Variants in SGCZ observed in about 807,000 individuals in gnomAD.
The protein encoded by SGCZ is sarcoglycan zeta.
A neutral mutation model predicts 41.3 loss-of-function variants in SGCZ; 40 were observed. The ratio of observed to expected loss-of-function variants is 0.97; its 90% CI spans 0.75 to 1.26. The LOEUF (loss-of-function observed/expected upper bound fraction) is 1.26. SGCZ is among the 50% of genes most tolerant of loss of function. The pLI is 0.00. For synonymous variants in SGCZ, 206 were observed against 137.5 expected (o/e 1.50, Z -3.49); for missense variants, 552 against 369.8 (o/e 1.49, Z -4.04).
At chr8:14,930,297 T>C (rs906186067) in intron 1 of SGCZ, among the ~76,000 whole-genome samples, 5 of 152,118 alleles carry the variant, frequency 3.3e-5, no homozygotes, top group Admixed American at 3.3e-4. Context: ...TACTATCTCA[T>C]GCCAGTTAGA....
chr8:14,246,213 A>G (rs1363035236), intron 3 of SGCZ, among the ~76,000 whole-genome samples: 1 of 152,224 alleles, frequency 6.6e-6, no homozygotes, highest in Admixed American at 6.5e-5. Context: ...TCCAACAATG[A>G]TAGACTGGAT....
At chr8:14,718,231 G>C (rs1809757403) in intron 1 of SGCZ, among the ~76,000 whole-genome samples, 1 of 151,842 alleles carries the variant, frequency 6.6e-6, no homozygotes, top group Non-Finnish European at 1.5e-5. Context: ...TCTTTTGAAA[G>C]TGAATTTTTT....
intron 1 of SGCZ, among the ~76,000 whole-genome samples, chr8:15,212,484 T>C (rs1053281092): frequency 5.3e-5 from 8 of 152,134 alleles, no homozygotes; most frequent in African/African-American, 1.9e-4. Context: ...CCTTTTAAAA[T>C]AACTTGGGGA....
chr8:15,170,518 T>C (rs562366710), intron 1 of SGCZ, among the ~76,000 whole-genome samples: 2 of 152,214 alleles, frequency 1.3e-5, no homozygotes, highest in Non-Finnish European at 2.9e-5. Context: ...TCTTTCTCAG[T>C]GCCCCAACTC....
rs149744597 is a variant in SGCZ at position 15,040,838 on chromosome 8, A to G, written c.39+196747T>C. On this transcript the variant is annotated intron_variant, in intron 1 of 7. Coordinates refer to ENST00000382080, the MANE Select transcript of SGCZ (RefSeq NM_139167.4). ...TTTTTTGTTTTCTGTTTCCATACCT[A>G]TCAAAGTCAGGATGTACTGATAAAA... Among the ~76,000 whole-genome samples, 369 of 152,258 alleles carry G rather than the reference A, an allele frequency of 2.4e-3. 4 individuals carry two copies. The highest frequency in any genetic ancestry group is 8.1e-3 in the African/African-American group (336 of 41,560).
At chr8:14,926,643 G>GT (rs1554523020) in intron 1 of SGCZ, among the ~76,000 whole-genome samples, 17,927 of 150,340 alleles carry the variant, frequency 0.12, 1,181 homozygotes, top group African/African-American at 0.18. Flanking sequence ...CCGTGTGTGT[G>GT]GTTTTTTTTT....
At position 14,554,919 on chromosome 8, in the gene SGCZ, C is replaced by T. The variant is rs868146652; in HGVS notation, c.47G>A (p.Arg16Gln). Reference sequence around the variant, plus strand: ...TTGGGTTGCTAGTATGTATTGTTCTCGTGTCATCTGAAAAAGAAAAAAGAA... The same window carrying T: ...TTGGGTTGCTAGTATGTATTGTTCTTGTGTCATCTGAAAAAGAAAAAAGAA... The part of the protein sequence containing the change: ...NLDIEELKMT[R>Q]EQYILATQQN... Residue 16 changes from arginine to glutamine, a missense_variant, in exon 2 of 8, where the codon CGA becomes CAA. By Grantham distance (43) the Arg-to-Gln change is conservative. Transcript: ENST00000382080. The T allele has an allele frequency of 2.5e-5, 39 of 1,533,818 alleles. No individual in the cohort carries two copies. Among genetic ancestry groups the T allele is most frequent in the Middle Eastern group, 1.7e-4 (1 of 5,742 alleles).
At chr8:14,323,619 T>C (rs1462820724) in intron 3 of SGCZ, among the ~76,000 whole-genome samples, 3 of 152,156 alleles carry the variant, frequency 2.0e-5, no homozygotes, top group African/African-American at 2.4e-5. Flanking sequence ...ATTTGAAGGA[T>C]AAATATTCTC....
At chr8:15,216,245 G>T (rs1452752144) in intron 1 of SGCZ, among the ~76,000 whole-genome samples, 2 of 122,072 alleles carry the variant, frequency 1.6e-5, no homozygotes, top group African/African-American at 3.1e-5. Context: ...TTTTTGAGAC[G>T]GTGTTGCTCT....
Position 15,138,282 on chromosome 8 carries a change from C to T in SGCZ, c.39+99303G>A, listed in dbSNP as rs1003231715. The stretch of plus-strand genomic sequence containing the variant: ...TAACTTGTTTTTTATTTTACAGGCT[C>T]ATAAGCAAAAGGGACTTGTCTTGTC... On this transcript the variant is annotated intron_variant, in intron 1 of 7. Coordinates refer to ENST00000382080, the MANE Select transcript of SGCZ (RefSeq NM_139167.4). 2.6e-5 allele frequency among the ~76,000 whole-genome samples: 4 copies of T among 152,216 alleles called. No individual in the cohort carries two copies. In the East Asian group the frequency reaches 7.7e-4, roughly 29 times the overall value.
At chr8:15,065,849 C>T (rs1805119798) in intron 1 of SGCZ, among the ~76,000 whole-genome samples, 1 of 152,074 alleles carries the variant, frequency 6.6e-6, no homozygotes, top group African/African-American at 2.4e-5. Flanking sequence ...CGTGGTAGGG[C>T]CTTAATATGA....
At chr8:14,386,019 A>G (rs1479306690) in intron 2 of SGCZ, among the ~76,000 whole-genome samples, 4 of 152,096 alleles carry the variant, frequency 2.6e-5, no homozygotes, top group African/African-American at 7.2e-5. Flanking sequence ...TCTACTTTTA[A>G]TGTCTATTAT....
At chr8:15,190,266 C>T (rs1349063237) in intron 1 of SGCZ, among the ~76,000 whole-genome samples, 1 of 152,170 alleles carries the variant, frequency 6.6e-6, no homozygotes, top group Admixed American at 6.5e-5. Context: ...GTGCCATCAT[C>T]TGCGTAGAAC....
chr8:14,205,764 A>G (rs1483927567), intron 4 of SGCZ, among the ~76,000 whole-genome samples: 2 of 152,144 alleles, frequency 1.3e-5, no homozygotes, highest in Admixed American at 6.6e-5. Flanking sequence ...ATGTTATTTT[A>G]ACTTGGACTT....
At chr8:14,280,716 T>A (rs956140293) in intron 3 of SGCZ, among the ~76,000 whole-genome samples, 1 of 151,798 alleles carries the variant, frequency 6.6e-6, no homozygotes, top group Non-Finnish European at 1.5e-5. Context: ...AAATTGACTT[T>A]GGACATCTTT....
At chr8:14,090,718 T>C in intron 7 of SGCZ, 81 bp from the exon 8 acceptor site, 2 of 1,241,812 alleles carry the variant, frequency 1.6e-6, no homozygotes, top group Non-Finnish European at 2.2e-6. Context: ...CAACATGGTC[T>C]AATAAGGAAG....
rs1028005537 is a variant in SGCZ, at chr8:15,238,354, T to G, written c.-731A>C. 1.3e-5 allele frequency: 2 copies of G among 151,872 alleles called. No individual in the cohort carries two copies. Among genetic ancestry groups the G allele is most frequent in the Non-Finnish European group, 2.9e-5 (2 of 67,996 alleles). The allele number at this position is 151,872 out of a possible 1,614,324, so 9.4% of individuals were successfully genotyped here. A position where few individuals can be genotyped will look rare whatever the true frequency, so the allele number is the denominator to read the frequency against. ...GAGAAAGAGAGAGGGAGAGAAAAAT[T>G]TTCCTCCTGCTTCGCTGTTTTACTG... On this transcript the variant is annotated 5_prime_UTR_variant, in exon 1 of 8. Coordinates refer to ENST00000382080, the MANE Select transcript of SGCZ (RefSeq NM_139167.4).
At chr8:14,334,466 C>G (rs1563263682) in intron 2 of SGCZ, among the ~76,000 whole-genome samples, 3 of 152,040 alleles carry the variant, frequency 2.0e-5, no homozygotes, top group Admixed American at 6.5e-5. Context: ...CACTCTTAGT[C>G]GGGGCAGGTA....
intron 1 of SGCZ, among the ~76,000 whole-genome samples, chr8:14,712,378 G>T (rs1809548946): frequency 6.6e-6 from 1 of 152,106 alleles, no homozygotes; most frequent in African/African-American, 2.4e-5. Flanking sequence ...AAACCTCATG[G>T]AAACCATTTT....
Sources: gnomAD v4.1 joint callset for allele counts (sites outside exome capture counted in the v4.1 genomes callset) on GRCh38, gnomAD v4.1.1 for gene constraint, MANE v1.5 for transcripts, NCBI Gene and HGNC (gene_info 2026-07-23, HGNC 2026-07-21) for gene names.